The following CCDC3 variants were observed in gnomAD, a reference collection of about 807,000 sequenced individuals.
CCDC3 encodes the protein coiled-coil domain-containing protein 3.
In CCDC3, 24 loss-of-function variants were observed where a neutral mutation model predicts 21.4. That is an observed-to-expected ratio of 1.12 (90% CI 0.81 to 1.58). The LOEUF (loss-of-function observed/expected upper bound fraction) is 1.58. Ranked by LOEUF, CCDC3 falls within the 40% of genes most tolerant of loss-of-function variation. CCDC3 has a pLI of 0.00. For missense variants in CCDC3, 425 were observed against 360.9 expected (o/e 1.18, Z -1.44); for synonymous variants, 186 against 166.0 (o/e 1.12, Z -0.93).
At chr10:12,911,768 C>G (rs904295689) in intron 2 of CCDC3, among the ~76,000 whole-genome samples, 4 of 152,166 alleles carry the variant, frequency 2.6e-5, no homozygotes, top group African/African-American at 7.2e-5. Context: ...GAAGTTATTC[C>G]TTGTAACTGA....
intron 5 of CCDC3, among the ~76,000 whole-genome samples, chr10:13,032,938 T>C (rs994966619): frequency 1.3e-5 from 2 of 152,198 alleles, no homozygotes; most frequent in Non-Finnish European, 2.9e-5. Context: ...ATAGATTCAA[T>C]GCCATCCCCA....
chr10:13,022,910 C>A (rs1476345974), intron 5 of CCDC3, among the ~76,000 whole-genome samples: 1 of 151,912 alleles, frequency 6.6e-6, no homozygotes. Flanking sequence ...AAATATAGGC[C>A]AAGCCATTAA....
Position 12,921,051 on chromosome 10 carries a change from A to G in CCDC3, c.550-22372T>C, listed in dbSNP as rs1388691844. On this transcript the variant is annotated intron_variant, in intron 2 of 2. Coordinates refer to ENST00000378825, the MANE Select transcript of CCDC3 (RefSeq NM_031455.4). ...ACTGCCTTCCAACTACTCTCAAGAA[A>G]AATGCAGGCAAGCTACATATTATGA... is the stretch of plus-strand genomic sequence containing the variant. 2.0e-5 allele frequency among the ~76,000 whole-genome samples: 3 copies of G among 152,310 alleles called. No individual in the cohort carries two copies. In the East Asian group the frequency reaches 5.8e-4, roughly 29 times the overall value.
chr10:13,007,933 G>C (rs1001446231), intron 5 of CCDC3, among the ~76,000 whole-genome samples: 2 of 152,194 alleles, frequency 1.3e-5, no homozygotes, highest in Non-Finnish European at 2.9e-5. Flanking sequence ...AGACATGCAA[G>C]ATAGGAGGAG....
intron 5 of CCDC3, among the ~76,000 whole-genome samples, chr10:13,025,704 T>C (rs1836205458): frequency 6.6e-6 from 1 of 152,238 alleles, no homozygotes; most frequent in Non-Finnish European, 1.5e-5. Flanking sequence ...TCCTCAGATA[T>C]AAAGAGGTCT....
At chr10:13,021,582 G>T (rs926319989) in intron 5 of CCDC3, among the ~76,000 whole-genome samples, 2 of 152,090 alleles carry the variant, frequency 1.3e-5, no homozygotes, top group African/African-American at 4.8e-5. Flanking sequence ...AGGACAAAAC[G>T]AATAGAGAAA....
At chr10:12,924,059 C>T (rs1261808800) in intron 2 of CCDC3, among the ~76,000 whole-genome samples, 3 of 152,174 alleles carry the variant, frequency 2.0e-5, no homozygotes, top group Admixed American at 6.5e-5. Flanking sequence ...GCTTCAAATG[C>T]TGTAGAATTG....
chr10:13,074,451 G>T (rs1836935054), intron 3 of CCDC3, among the ~76,000 whole-genome samples: 1 of 147,576 alleles, frequency 6.8e-6, no homozygotes, highest in East Asian at 2.0e-4. Context: ...CTCCCAAAGT[G>T]CTGGGATTAC....
intron 3 of CCDC3, among the ~76,000 whole-genome samples, chr10:13,074,627 C>T (rs1836938205): frequency 6.6e-6 from 1 of 151,844 alleles, no homozygotes; most frequent in African/African-American, 2.4e-5. Flanking sequence ...ATACTTTCTC[C>T]TTACCCTTGT....
chr10:12,974,071 G>T (rs1332750538), intron 2 of CCDC3, among the ~76,000 whole-genome samples: 3 of 152,198 alleles, frequency 2.0e-5, no homozygotes, highest in Non-Finnish European at 4.4e-5. Flanking sequence ...AGAGGTTCCA[G>T]AAAGGTCAAA....
At chr10:12,950,201 T>C (rs1403851420) in intron 2 of CCDC3, among the ~76,000 whole-genome samples, 2 of 152,238 alleles carry the variant, frequency 1.3e-5, no homozygotes, top group Non-Finnish European at 2.9e-5. Context: ...TAGAAGCTGT[T>C]ACCAGTGCCC....
intron 3 of CCDC3, among the ~76,000 whole-genome samples, chr10:13,085,787 C>T (rs556633678): frequency 6.6e-5 from 10 of 151,928 alleles, no homozygotes; most frequent in Admixed American, 1.3e-4. Context: ...GCCAACATGG[C>T]GAAACCCCAT....
intron 2 of CCDC3, among the ~76,000 whole-genome samples, chr10:12,993,211 A>G (rs1005256552): frequency 1.3e-5 from 2 of 152,196 alleles, no homozygotes; most frequent in Non-Finnish European, 2.9e-5. Context: ...ATCACTCTAG[A>G]AAGTGTTTTC....
intron 5 of CCDC3, among the ~76,000 whole-genome samples, chr10:13,032,497 C>A (rs1235997261): frequency 6.6e-6 from 1 of 152,238 alleles, no homozygotes; most frequent in Non-Finnish European, 1.5e-5. Context: ...CCAGGGCAAT[C>A]AGGCAGGAGA....
chr10:13,060,744 A>C (rs1836747100), intron 4 of CCDC3, among the ~76,000 whole-genome samples: 1 of 152,134 alleles, frequency 6.6e-6, no homozygotes, highest in Non-Finnish European at 1.5e-5. Flanking sequence ...GGCCTCAAGC[A>C]GTCCTCCCTC....
chr10:12,933,104 T>G (rs541461531), intron 2 of CCDC3, among the ~76,000 whole-genome samples: 1 of 152,182 alleles, frequency 6.6e-6, no homozygotes, highest in Admixed American at 6.5e-5. Flanking sequence ...TCATGAGATA[T>G]GGGTCTATTG....
chr10:13,013,320 C>G (rs918817590), intron 5 of CCDC3, among the ~76,000 whole-genome samples: 1 of 152,204 alleles, frequency 6.6e-6, no homozygotes, highest in East Asian at 1.9e-4. Flanking sequence ...TAGCCACAAA[C>G]ATTTTGTGCC....
chr10:13,079,298 C>T (rs190969957), intron 3 of CCDC3, among the ~76,000 whole-genome samples: 62 of 152,008 alleles, frequency 4.1e-4, no homozygotes, highest in Middle Eastern at 3.4e-3. Context: ...GGTAAGGAAT[C>T]GAGACCCACC....
At chr10:13,045,596 C>T (rs1052575240) in intron 5 of CCDC3, among the ~76,000 whole-genome samples, 2 of 151,708 alleles carry the variant, frequency 1.3e-5, no homozygotes, top group African/African-American at 4.8e-5. Context: ...CCAGCCTGGG[C>T]AACAGAGCAA....
Sources: allele counts gnomAD v4.1 joint callset (sites outside exome capture counted in the v4.1 genomes callset), GRCh38; gene constraint gnomAD v4.1.1; transcripts MANE v1.5; gene names NCBI Gene and HGNC (gene_info 2026-07-23, HGNC 2026-07-21).